Variants in COL18A1 observed in about 807,000 individuals in gnomAD.
COL18A1 encodes the protein collagen alpha-1(XVIII) chain.
COL18A1 carries 133 observed loss-of-function variants against 168.0 expected under a neutral mutation model. The ratio of observed to expected loss-of-function variants is 0.79; its 90% CI spans 0.69 to 0.91. The LOEUF is 0.91. Ranked by LOEUF, COL18A1 falls within the 40% of genes least tolerant of loss-of-function variation. COL18A1 has a pLI of 0.00. For missense variants in COL18A1, 2,126 were observed against 1,925.4 expected (o/e 1.10, Z -1.95); for synonymous variants, 949 against 809.0 (o/e 1.17, Z -2.94).
intron 16 of COL18A1, 123 bp downstream of exon 16, chr21:45,487,115 T>C: frequency 1.0e-6 from 1 of 978,036 alleles, no homozygotes; most frequent in Non-Finnish European, 1.5e-6. Context: ...TGGCACTGCC[T>C]CATCCTGGGA....
rs762984829 is a variant in COL18A1, at chr21:45,511,259, G to A, written c.3809+33G>A. 22 of 1,255,354 alleles carry A rather than the reference G, an allele frequency of 1.8e-5. No homozygotes were observed. In the South Asian group the frequency reaches 1.9e-4, roughly 11 times the overall value. The allele number at this position is 1,255,354 out of a possible 1,614,324, so 77.8% of individuals were successfully genotyped here. A position where few individuals can be genotyped will look rare whatever the true frequency, so the allele number is the denominator to read the frequency against. ...CCCAGTGCCGTGTGAGCAGCTCTGA[G>A]AGCCCCAGCCAGGGAAGGCGGGCGG... On this transcript the variant is annotated intron_variant, in intron 41 of 41. Coordinates refer to ENST00000651438, the MANE Select transcript of COL18A1 (RefSeq NM_001379500.1).
chr21:45,489,062 C>T (rs978636697), intron 18 of COL18A1, among the ~76,000 whole-genome samples: 2 of 152,206 alleles, frequency 1.3e-5, no homozygotes, highest in African/African-American at 4.8e-5. Flanking sequence ...ACGGGGCCCA[C>T]CCTGGGGCTG....
intron 2 of COL18A1, among the ~76,000 whole-genome samples, chr21:45,428,499 A>G (rs1039715835): frequency 1.3e-5 from 2 of 152,234 alleles, no homozygotes; most frequent in African/African-American, 2.4e-5. Context: ...AACGCATAAA[A>G]TTAACCATCT....
intron 17 of COL18A1, among the ~76,000 whole-genome samples, chr21:45,487,864 C>T (rs1265943753): frequency 6.6e-6 from 1 of 152,216 alleles, no homozygotes; most frequent in African/African-American, 2.4e-5. Flanking sequence ...AATGTTTGGC[C>T]TGAGTAGAAT....
chr21:45,439,137 T>G (rs78620106), intron 2 of COL18A1, among the ~76,000 whole-genome samples: 2,943 of 152,386 alleles, frequency 0.019, 94 homozygotes, highest in African/African-American at 0.066. Flanking sequence ...TTAACGTTTT[T>G]TAATTCGAGA....
chr21:45,469,494 G>T (rs1050695157), intron 3 of COL18A1, among the ~76,000 whole-genome samples: 1 of 152,232 alleles, frequency 6.6e-6, no homozygotes, highest in Non-Finnish European at 1.5e-5. Context: ...GTCCCCCAGC[G>T]GTGAACGCAC....
intron 2 of COL18A1, among the ~76,000 whole-genome samples, chr21:45,444,184 TC>T (rs2034455770): frequency 6.6e-6 from 1 of 152,210 alleles, no homozygotes. Flanking sequence ...ACCTCCTGCC[TC>T]CCGAAATCAC....
rs1007185153 is a variant in COL18A1, at chr21:45,457,161, C to T, written c.107-11081C>T. Among the ~76,000 whole-genome samples, 7 of 152,192 alleles carry T rather than the reference C, an allele frequency of 4.6e-5. No homozygotes were observed. The highest frequency in any genetic ancestry group is 1.7e-4 in the African/African-American group (7 of 41,442). On this transcript the variant is annotated intron_variant, in intron 2 of 41. Transcript: ENST00000651438. This position sits in a 1 kb window ranked among gnomAD's most constrained non-coding sequence, Gnocchi z 4.6. ...GCATTTTAGCGCATTTAGTCCTCAG[C>T]ACGGTCCCGAGATACCCTGCCATGC...
chr21:45,405,290 G>GCGGGGCTGCGGGGGTCC (rs1267674752), intron 1 of COL18A1, 49 bp downstream of exon 1: 87 of 800,676 alleles, frequency 1.1e-4, no homozygotes, highest in Non-Finnish European at 1.3e-4. Context: ...AGATGCGGCT[G>GCGGGGCTGCGGGGGTCC]CGGGGGTCGC....
chr21:45,492,590 G>C, intron 23 of COL18A1, 26 bp downstream of exon 23: 3 of 1,613,032 alleles, frequency 1.9e-6, no homozygotes, highest in Non-Finnish European at 2.5e-6. Flanking sequence ...GCTTCTAAGA[G>C]ACGGGCCTGC....
At chr21:45,469,035 T>C (rs2035318461) in intron 3 of COL18A1, among the ~76,000 whole-genome samples, 1 of 152,218 alleles carries the variant, frequency 6.6e-6, no homozygotes, top group Non-Finnish European at 1.5e-5. Flanking sequence ...CTCTGGCTCC[T>C]GCGCCCCCAG....
At chr21:45,412,521 C>T (rs963567791) in intron 2 of COL18A1, among the ~76,000 whole-genome samples, 6 of 152,122 alleles carry the variant, frequency 3.9e-5, no homozygotes, top group African/African-American at 7.2e-5. Flanking sequence ...GGATTCCAGG[C>T]GTGTGCCACT....
At position 45,498,347 on chromosome 21, in the gene COL18A1, G is replaced by T. The variant is rs534867274; in HGVS notation, c.2683+686G>T. ...CTCGCCGCCAGGGTCCCCTCTCACCGCCAGGGTTCCCTCTCGCCACCACGG... is the reference window on the plus strand; with the variant it reads ...CTCGCCGCCAGGGTCCCCTCTCACCTCCAGGGTTCCCTCTCGCCACCACGG... On this transcript the variant is annotated intron_variant, in intron 32 of 41. Transcript: ENST00000651438. The surrounding 1 kb of genome is among the most constrained non-coding windows in gnomAD (Gnocchi z 4.5). The T allele has an allele frequency of 8.0e-6, 5 of 623,454 alleles. No homozygotes were observed. Among genetic ancestry groups the T allele is most frequent in the South Asian group, 5.5e-5 (3 of 54,910 alleles). 38.6% of individuals were successfully genotyped at this position (623,454 alleles called of 1,614,324 possible).
chr21:45,417,558 GC>G (rs1029918346), intron 2 of COL18A1, among the ~76,000 whole-genome samples: 6 of 152,218 alleles, frequency 3.9e-5, no homozygotes, highest in Non-Finnish European at 8.8e-5. Context: ...CCTCTCTGTG[GC>G]ATTTCTAGGA....
At chr21:45,491,122 A>C in intron 21 of COL18A1, 103 bp from the exon 22 acceptor site, 3 of 1,077,994 alleles carry the variant, frequency 2.8e-6, no homozygotes, top group Middle Eastern at 2.3e-4. Context: ...GCGCCTCCTC[A>C]CCCACCGTGG....
rs200111195 is a variant in COL18A1 at position 45,453,387 on chromosome 21, ATG to A, written c.107-14850_107-14849del. ...CATGAGCAGGAGTGAGCATACATAT[ATG>A]TGTGCATATGTGGGTGTTCGTGTGT... On this transcript the variant is annotated intron_variant, in intron 2 of 41. Transcript: ENST00000651438. Among the ~76,000 whole-genome samples the A allele has an allele frequency of 1.1e-4, 16 of 152,120 alleles. No homozygotes were observed. The East Asian group carries it at 1.9e-3, about 18-fold the overall frequency.
intron 2 of COL18A1, 63 bp from the exon 3 acceptor site, chr21:45,468,179 C>A: frequency 6.3e-7 from 1 of 1,578,752 alleles, no homozygotes; most frequent in Non-Finnish European, 8.7e-7. Flanking sequence ...CTCTCCAGGC[C>A]GCGTCGGTGG....
At position 45,464,772 on chromosome 21, in the gene COL18A1, C is replaced by A. The variant is rs141952075; in HGVS notation, c.107-3470C>A. ...GTTGGACAAGTCCTCATGGTGCCAT[C>A]TTTTGTCCTTCGATTTTAAGGCTTT... is the stretch of plus-strand genomic sequence containing the variant. On this transcript the variant is annotated intron_variant, in intron 2 of 41. Transcript: ENST00000651438. Among the ~76,000 whole-genome samples, 401 of 152,304 alleles carry A rather than the reference C, an allele frequency of 2.6e-3. 2 individuals are homozygous for A. The highest frequency in any genetic ancestry group is 0.011 in the South Asian group (53 of 4,824).
intron 34 of COL18A1, 44 bp downstream of exon 34, chr21:45,504,600 T>C (rs758906710): frequency 6.5e-7 from 1 of 1,537,782 alleles, no homozygotes; most frequent in Non-Finnish European, 8.8e-7. Flanking sequence ...CCCAGGGGTC[T>C]GGGTGCAGGA....
Sources: gnomAD v4.1 joint callset for allele counts (sites outside exome capture counted in the v4.1 genomes callset) on GRCh38, gnomAD v4.1.1 for gene constraint, Gnocchi (gnomAD v3.1) non-coding constraint, MANE v1.5 for transcripts, NCBI Gene and HGNC (gene_info 2026-07-23, HGNC 2026-07-21) for gene names.